The following COL21A1 variants were observed in gnomAD, a reference collection of about 807,000 sequenced individuals.
COL21A1 encodes the protein collagen alpha-1(XXI) chain.
A neutral mutation model predicts 137.9 loss-of-function variants in COL21A1; 149 were observed. The observed-to-expected ratio is 1.08, with a 90% CI of 0.95 to 1.24. COL21A1 has a LOEUF of 1.24. Among genes scored for constraint, COL21A1 ranks in the 50% most tolerant of loss-of-function variants. The pLI is 0.00. For missense variants in COL21A1, 1,167 were observed against 1,158.4 expected, an observed-to-expected ratio of 1.01 and a Z score of -0.11; for synonymous variants, 456 against 391.5, an observed-to-expected ratio of 1.16 and a Z score of -1.95.
At chr6:56,296,253 TATATC>T (rs951387553) in intron 1 of COL21A1, among the ~76,000 whole-genome samples, 25 of 151,992 alleles carry the variant, frequency 1.6e-4, no homozygotes, top group Non-Finnish European at 2.9e-4. Flanking sequence ...ATATCCAATA[TATATC>T]ATATTTTTAA....
At chr6:56,153,757 G>A (rs958272760) in intron 10 of COL21A1, among the ~76,000 whole-genome samples, 2 of 152,136 alleles carry the variant, frequency 1.3e-5, no homozygotes, top group Non-Finnish European at 2.9e-5. Flanking sequence ...CTAATAGGAT[G>A]ACACTTCCCT....
At chr6:56,283,140 A>G (rs756381896) in intron 1 of COL21A1, among the ~76,000 whole-genome samples, 2 of 152,184 alleles carry the variant, frequency 1.3e-5, no homozygotes, top group Non-Finnish European at 2.9e-5. Context: ...GGACACTTTA[A>G]CCCAGTAATT....
At chr6:56,375,157 G>A (rs115830429) in intron 1 of COL21A1, among the ~76,000 whole-genome samples, 2,419 of 152,268 alleles carry the variant, frequency 0.016, 37 homozygotes, top group Middle Eastern at 0.065. Flanking sequence ...GTTAGAGACC[G>A]AGAAAGGAAA....
In COL21A1 at chr6:56,059,053, A is replaced by C. The variant is rs1375125405; in HGVS notation, c.2686+112T>G. On this transcript the variant is annotated intron_variant, in intron 29 of 29. Transcript: ENST00000244728. ...GACTTCAGTGTGTTAAATGTGAATC[A>C]CTCAAAAAAGAAAACAGATGTCTCA... The C allele has an allele frequency of 9.0e-6, 7 of 778,678 alleles. 1 individual carries two copies. In the South Asian group the frequency reaches 1.1e-4, roughly 12 times the overall value. 48.2% of individuals were successfully genotyped at this position (778,678 alleles called of 1,614,324 possible).
chr6:56,324,254 C>A (rs1400891935), intron 1 of COL21A1, among the ~76,000 whole-genome samples: 1 of 152,102 alleles, frequency 6.6e-6, no homozygotes, highest in Admixed American at 6.6e-5. Context: ...GAGTTCTAAG[C>A]ATAACATGGC....
At chr6:56,088,248 C>T (rs1768446679) in intron 17 of COL21A1, among the ~76,000 whole-genome samples, 1 of 152,036 alleles carries the variant, frequency 6.6e-6, no homozygotes, top group Admixed American at 6.6e-5. Context: ...CCTATAATCT[C>T]AGCTACTGAG....
At chr6:56,332,197 T>A (rs981781428) in intron 1 of COL21A1, 2 of 152,072 alleles carry the variant, frequency 1.3e-5, no homozygotes, top group Non-Finnish European at 2.9e-5. Flanking sequence ...GGTCATTTGA[T>A]GAGAGTTGTG....
chr6:56,240,241 T>C (rs565998048), intron 1 of COL21A1, among the ~76,000 whole-genome samples: 115 of 152,038 alleles, frequency 7.6e-4, no homozygotes, highest in African/African-American at 2.6e-3. Flanking sequence ...TACAAAGCTG[T>C]TATAAAAGAG....
At chr6:56,367,219 G>A (rs944333734) in intron 1 of COL21A1, among the ~76,000 whole-genome samples, 1 of 152,176 alleles carries the variant, frequency 6.6e-6, no homozygotes, top group African/African-American at 2.4e-5. Context: ...TTCAAATGCT[G>A]ATTGTTGTTT....
upstream of COL21A1, among the ~76,000 whole-genome samples, chr6:56,252,225 T>C (rs1314565213): frequency 2.6e-5 from 4 of 152,228 alleles, no homozygotes; most frequent in Non-Finnish European, 5.9e-5. Flanking sequence ...GAGTTCCCAA[T>C]TACTACAAGC....
chr6:56,157,632 A>C (rs556336210), intron 9 of COL21A1, among the ~76,000 whole-genome samples: 1 of 152,254 alleles, frequency 6.6e-6, no homozygotes, highest in South Asian at 2.1e-4. Context: ...TAGGTTCTAC[A>C]TATATAGATA....
intron 1 of COL21A1, among the ~76,000 whole-genome samples, chr6:56,326,087 T>C (rs1017206211): frequency 7.7e-6 from 1 of 129,280 alleles, no homozygotes; most frequent in African/African-American, 2.9e-5. Flanking sequence ...TTAATTATGA[T>C]AACTGATTAA....
At chr6:56,246,704 G>A (rs1013640983) in intron 1 of COL21A1, among the ~76,000 whole-genome samples, 1 of 152,108 alleles carries the variant, frequency 6.6e-6, no homozygotes, top group African/African-American at 2.4e-5. Flanking sequence ...GTGGGTCTAG[G>A]GCGGAGCTAG....
chr6:56,066,160 T>A (rs1766224412), intron 23 of COL21A1, among the ~76,000 whole-genome samples: 1 of 151,898 alleles, frequency 6.6e-6, no homozygotes, highest in Non-Finnish European at 1.5e-5. Flanking sequence ...CACAGACATT[T>A]ACTTAACATT....
chr6:56,097,868 T>TATATATAA lies in COL21A1; in HGVS notation c.1812+3603_1812+3604insTTATATAT, dbSNP rs1485379707. Reference sequence around the variant, plus strand: ...ATAAATATATATAAATATATAAAAATATCTATAAATATATAAATATATATA... The same window carrying TATATATAA: ...ATAAATATATATAAATATATAAAAATATATATAAATCTATAAATATATAAATATATATA... On this transcript the variant is annotated intron_variant, in intron 17 of 29. Coordinates refer to ENST00000244728, the MANE Select transcript of COL21A1 (RefSeq NM_030820.4). 2.2e-3 allele frequency among the ~76,000 whole-genome samples: 189 copies of TATATATAA among 86,220 alleles called. 42 individuals carry two copies. The highest frequency in any genetic ancestry group is 0.011 in the African/African-American group (184 of 17,132). 56.6% of individuals were successfully genotyped at this position (86,220 alleles called of 152,430 possible).
chr6:56,119,592 A>G (rs1384257783), intron 16 of COL21A1, among the ~76,000 whole-genome samples: 4 of 152,154 alleles, frequency 2.6e-5, no homozygotes, highest in African/African-American at 9.7e-5. Context: ...AAGACCCAGA[A>G]TGGCCAAAGC....
intron 17 of COL21A1, among the ~76,000 whole-genome samples, chr6:56,084,929 G>A (rs970534670): frequency 1.9e-4 from 29 of 151,950 alleles, no homozygotes; most frequent in African/African-American, 6.3e-4. Flanking sequence ...TCATGCCTTG[G>A]GAGTTATTCT....
chr6:56,100,679 G>A (rs1770379356), intron 17 of COL21A1, among the ~76,000 whole-genome samples: 1 of 152,038 alleles, frequency 6.6e-6, no homozygotes, highest in Non-Finnish European at 1.5e-5. Context: ...ACTTGGCCCA[G>A]TACATAATCA....
chr6:56,326,420 T>A (rs1211116041), intron 1 of COL21A1, among the ~76,000 whole-genome samples: 1 of 151,824 alleles, frequency 6.6e-6, no homozygotes, highest in Non-Finnish European at 1.5e-5. Context: ...TAATAATGAT[T>A]CCCCACTTCG....
Sources: allele counts gnomAD v4.1 joint callset (sites outside exome capture counted in the v4.1 genomes callset), GRCh38; gene constraint gnomAD v4.1.1; transcripts MANE v1.5; gene names NCBI Gene and HGNC (gene_info 2026-07-23, HGNC 2026-07-21).